The following PARD3B variants were observed in gnomAD, a reference collection of about 807,000 sequenced individuals.
The protein encoded by PARD3B is par-3 family cell polarity regulator beta.
Under a neutral mutation model 130.2 loss-of-function variants are expected in PARD3B, and 103 were observed. The ratio of observed to expected loss-of-function variants is 0.79; its 90% CI spans 0.67 to 0.93. PARD3B has a LOEUF of 0.93. PARD3B is among the 40% of genes least tolerant of loss of function. PARD3B has a pLI of 0.00. For missense variants in PARD3B, 1,609 were observed against 1,499.2 expected (o/e 1.07, Z -1.21); for synonymous variants, 583 against 553.2 (o/e 1.05, Z -0.76).
rs574609192 is a variant in PARD3B, at chr2:204,959,181, A to C, written c.223-5971A>C. On this transcript the variant is annotated intron_variant, in intron 2 of 22. Transcript: ENST00000406610. ...GTGTGATGTTCCCCTCACTGTGTCCATGTGTTCCCATTATTCAGCTGCCAC... is the reference window on the plus strand; with the variant it reads ...GTGTGATGTTCCCCTCACTGTGTCCCTGTGTTCCCATTATTCAGCTGCCAC... Among the ~76,000 whole-genome samples, 5 of 152,038 alleles carry C rather than the reference A, an allele frequency of 3.3e-5. No individual in the cohort carries two copies. The South Asian group carries it at 1.0e-3, about 32-fold the overall frequency.
At chr2:205,169,845 A>G (rs1273375166) in intron 11 of PARD3B, among the ~76,000 whole-genome samples, 5 of 152,064 alleles carry the variant, frequency 3.3e-5, no homozygotes, top group East Asian at 1.9e-4. Context: ...CCTTTCTTAT[A>G]TGACAATAGA....
At chr2:204,965,982 C>T (rs532774349) in intron 3 of PARD3B, among the ~76,000 whole-genome samples, 4 of 152,238 alleles carry the variant, frequency 2.6e-5, no homozygotes, top group African/African-American at 9.6e-5. Context: ...TGAAAATCCA[C>T]TAATATCTTG....
At chr2:205,603,700 T>G (rs1431686205) in intron 22 of PARD3B, among the ~76,000 whole-genome samples, 1 of 152,056 alleles carries the variant, frequency 6.6e-6, no homozygotes, top group Non-Finnish European at 1.5e-5. Flanking sequence ...TCTATTTGCC[T>G]GGTAAATTTT....
chr2:204,905,113 G>A (rs1490037629), intron 2 of PARD3B, among the ~76,000 whole-genome samples: 1 of 152,160 alleles, frequency 6.6e-6, no homozygotes, highest in Admixed American at 6.5e-5. Context: ...TTGCTGGATT[G>A]TTCTAAGAAT....
chr2:205,163,385 G>T (rs2034619696), intron 11 of PARD3B, among the ~76,000 whole-genome samples: 1 of 152,184 alleles, frequency 6.6e-6, no homozygotes, highest in Non-Finnish European at 1.5e-5. Flanking sequence ...GAAATTAAGT[G>T]AAAGAAAAAT....
At position 204,996,723 on chromosome 2, in the gene PARD3B, A is replaced by C. The variant is rs546646040; in HGVS notation, c.394+31400A>C. On this transcript the variant is annotated intron_variant, in intron 3 of 22. Transcript: ENST00000406610. ...TTTGATCTCAGACTGCTGTGCTAGC[A>C]ATCAGCGAGATTCCGTGGGCGTAGG... 8.0e-3 allele frequency among the ~76,000 whole-genome samples: 1,195 copies of C among 149,140 alleles called. 16 individuals are homozygous for C. The highest frequency in any genetic ancestry group is 0.028 in the African/African-American group (1,147 of 40,538).
At chr2:205,074,229 T>C (rs1575707924) in intron 4 of PARD3B, among the ~76,000 whole-genome samples, 1 of 152,322 alleles carries the variant, frequency 6.6e-6, no homozygotes, top group East Asian at 1.9e-4. Flanking sequence ...TCAAATTGTC[T>C]ATTTGAATAA....
At chr2:205,114,751 ACCT>A (rs796116649) in intron 6 of PARD3B, among the ~76,000 whole-genome samples, 42 of 24,602 alleles carry the variant, frequency 1.7e-3, no homozygotes, top group Middle Eastern at 0.029. Flanking sequence ...CGAAGTCATC[ACCT>A]TTTTTTTTTT....
chr2:205,338,093 C>A (rs878909867), intron 18 of PARD3B, among the ~76,000 whole-genome samples: 1 of 134,532 alleles, frequency 7.4e-6, no homozygotes, highest in Admixed American at 8.6e-5. Context: ...GCGAAGGTTG[C>A]AGTGAGCTGA....
At chr2:204,815,406 G>A (rs769961724) in intron 2 of PARD3B, among the ~76,000 whole-genome samples, 3 of 151,748 alleles carry the variant, frequency 2.0e-5, no homozygotes, top group Non-Finnish European at 4.4e-5. Context: ...ATTTTTGTCC[G>A]AATTTGTGTC....
chr2:204,755,942 T>G (rs2040650671), intron 2 of PARD3B, among the ~76,000 whole-genome samples: 1 of 152,036 alleles, frequency 6.6e-6, no homozygotes, highest in Non-Finnish European at 1.5e-5. Context: ...TGAAACAGTT[T>G]TTGGTTGGGG....
chr2:204,730,585 G>GAA (rs201459754), intron 2 of PARD3B, among the ~76,000 whole-genome samples: 31,428 of 134,444 alleles, frequency 0.23, 3,731 homozygotes, highest in African/African-American at 0.33. Context: ...AAAAAAAAAA[G>GAA]AAAAAAAAAA....
At chr2:205,614,095 A>C (rs1205078919) in intron 22 of PARD3B, among the ~76,000 whole-genome samples, 4 of 152,162 alleles carry the variant, frequency 2.6e-5, no homozygotes, top group Non-Finnish European at 5.9e-5. Flanking sequence ...GTGTGCACAG[A>C]AGGTTTATGA....
chr2:204,764,131 G>A (rs1244837455), intron 2 of PARD3B, among the ~76,000 whole-genome samples: 3 of 152,126 alleles, frequency 2.0e-5, no homozygotes, highest in Non-Finnish European at 4.4e-5. Flanking sequence ...CACAGAGAGA[G>A]GGCCCCAAAG....
rs1559180274 is a variant in PARD3B at position 204,604,954 on chromosome 2, GC to G, written c.120+58839del. Among the ~76,000 whole-genome samples, 3 of 152,172 alleles carry G rather than the reference GC, an allele frequency of 2.0e-5. No individual in the cohort carries two copies. The East Asian group carries it at 5.8e-4, about 29-fold the overall frequency. On this transcript the variant is annotated intron_variant, in intron 1 of 22. Coordinates refer to ENST00000406610, the MANE Select transcript of PARD3B (RefSeq NM_001302769.2). The stretch of plus-strand genomic sequence containing the variant: ...TACAGTGGCTTAACTCACATGCCTG[GC>G]CCCTTGGTAGGGATGACTGGAAGGC...
intron 1 of PARD3B, among the ~76,000 whole-genome samples, chr2:204,557,327 G>T (rs369063099): frequency 3.3e-5 from 5 of 152,022 alleles, no homozygotes; most frequent in African/African-American, 1.2e-4. Context: ...CTGTTACTGC[G>T]CACATGGCAC....
Position 205,091,676 on chromosome 2 carries a change from G to A in PARD3B, c.505-12750G>A, listed in dbSNP as rs563024722. Among the ~76,000 whole-genome samples, 350 of 152,226 alleles carry A rather than the reference G, an allele frequency of 2.3e-3. No homozygotes were observed. The highest frequency in any genetic ancestry group is 3.8e-3 in the Non-Finnish European group (261 of 68,012). On this transcript the variant is annotated intron_variant, in intron 4 of 22. Transcript: ENST00000406610. This position sits in a 1 kb window ranked among gnomAD's most constrained non-coding sequence, Gnocchi z 4.2. ...GTTCTTATCTTACACTTGGAATGGG[G>A]GTGAGGTTAGAGAAAGAATAGCAGT...
intron 1 of PARD3B, among the ~76,000 whole-genome samples, chr2:204,639,711 T>TGTGTACTGTACTGTGTACTGTGTA (rs1260023712): frequency 3.3e-5 from 5 of 152,196 alleles, no homozygotes; most frequent in Non-Finnish European, 7.3e-5. Context: ...ATCTGTGGAT[T>TGTGTACTGTACTGTGTACTGTGTA]TTAGTGTACT....
At chr2:205,224,240 A>G (rs1318995339) in intron 15 of PARD3B, among the ~76,000 whole-genome samples, 5 of 145,460 alleles carry the variant, frequency 3.4e-5, no homozygotes, top group East Asian at 2.2e-4. Context: ...GCATGGTGGC[A>G]GGTGCCTGTA....
Sources: allele counts gnomAD v4.1 joint callset (sites outside exome capture counted in the v4.1 genomes callset), GRCh38; gene constraint gnomAD v4.1.1; non-coding constraint Gnocchi (gnomAD v3.1); transcripts MANE v1.5; gene names NCBI Gene and HGNC (gene_info 2026-07-23, HGNC 2026-07-21).